GPC1: variants seen among roughly 807,000 people sequenced by gnomAD.
GPC1 encodes glypican-1.
In GPC1, 26 loss-of-function variants were observed where a neutral mutation model predicts 51.5. The ratio of observed to expected loss-of-function variants is 0.50; its 90% CI spans 0.37 to 0.70. The LOEUF (loss-of-function observed/expected upper bound fraction) is 0.70. GPC1 is among the 30% of genes least tolerant of loss of function. The probability of loss-of-function intolerance (pLI) is 0.00; values close to 1 mark genes in which losing one functional copy is unlikely to be tolerated. For synonymous variants in GPC1, 380 were observed against 348.3 expected, an observed-to-expected ratio of 1.09 and a Z score of -1.01; for missense variants, 775 against 800.5, an observed-to-expected ratio of 0.97 and a Z score of 0.38.
chr2:240,436,023 C>A lies in GPC1; in HGVS notation c.105C>A (p.Val35=). The change falls in exon 1 of 9, where the codon GTC becomes GTA. Residue 35 remains valine (V), a synonymous_variant. Coordinates refer to ENST00000264039, the MANE Select transcript of GPC1 (RefSeq NM_002081.3). ...GCAAGAGCCGGAGCTGCGGCGAGGT[C>A]CGCCAGATCTACGGAGCCAAGGGCT... ...PASKSRSCGE[V]RQIYGAKGFS... is the part of the protein sequence containing the mutation. 1 of 1,386,876 alleles carries A rather than the reference C, an allele frequency of 7.2e-7. No homozygotes were observed. Among genetic ancestry groups the A allele is most frequent in the East Asian group, 2.9e-5 (1 of 34,672 alleles). 85.9% of individuals were successfully genotyped at this position (1,386,876 alleles called of 1,614,324 possible).
chr2:240,459,236 C>T (rs775798900), intron 2 of GPC1, 48 bp downstream of exon 2: 13 of 1,558,438 alleles, frequency 8.3e-6, no homozygotes, highest in African/African-American at 2.7e-5. Flanking sequence ...GCCGGTGCAT[C>T]GGGGGAGGGG....
rs1221997791 is a variant in GPC1, at chr2:240,462,462, G to A, written c.597G>A (p.Leu199=). 1 of 1,605,028 alleles carries A rather than the reference G, an allele frequency of 6.2e-7. No homozygotes were observed. Among genetic ancestry groups the A allele is most frequent in the South Asian group, 1.1e-5 (1 of 90,396 alleles). ...GCCTGGGCAAGCAGGCCGAGGCGCT[G>A]CGGCCCTTCGGGGAGGCCCCGAGAG... ...LDCLGKQAEA[L]RPFGEAPREL... Residue 199 remains leucine, a synonymous_variant, in exon 3 of 9, where the codon CTG becomes CTA. Coordinates refer to ENST00000264039, the MANE Select transcript of GPC1 (RefSeq NM_002081.3).
chr2:240,462,749 C>T (rs1239878586), intron 3 of GPC1, among the ~76,000 whole-genome samples, 167 bp downstream of exon 3: 1 of 152,240 alleles, frequency 6.6e-6, no homozygotes, highest in East Asian at 1.9e-4. Flanking sequence ...CTGCCCATGG[C>T]CTGCTAACAG....
intron 1 of GPC1, among the ~76,000 whole-genome samples, chr2:240,446,545 C>T (rs187161246): frequency 9.8e-5 from 15 of 152,318 alleles, no homozygotes; most frequent in African/African-American, 3.4e-4. Flanking sequence ...TCATGTGAAC[C>T]CTGAGGGCCG....
intron 3 of GPC1, among the ~76,000 whole-genome samples, 187 bp from the exon 4 acceptor site, chr2:240,463,160 T>C (rs2074230990): frequency 6.6e-6 from 1 of 151,886 alleles, no homozygotes; most frequent in African/African-American, 2.4e-5. Context: ...CTCGAGATCA[T>C]TAAAATGAGG....
intron 1 of GPC1, chr2:240,457,552 T>A (rs11680576): frequency 2.7e-5 from 12 of 447,918 alleles, no homozygotes; most frequent in Non-Finnish European, 4.8e-5. Context: ...AGGGGTGACT[T>A]CTCTTGCAGT....
At chr2:240,462,746 T>G (rs1375065898) in intron 3 of GPC1, among the ~76,000 whole-genome samples, 164 bp downstream of exon 3, 1 of 152,194 alleles carries the variant, frequency 6.6e-6, no homozygotes, top group Non-Finnish European at 1.5e-5. Context: ...CTGCTGCCCA[T>G]GGCCTGCTAA....
Position 240,462,619 on chromosome 2 carries a change from C to G in GPC1, c.717+37C>G, listed in dbSNP as rs202053442. On this transcript the variant is annotated intron_variant, in intron 3 of 8. Coordinates refer to ENST00000264039, the MANE Select transcript of GPC1 (RefSeq NM_002081.3). ...CACCCAGGGCTCTCAGAAACCCCTC[C>G]AGACCCCCATGCTCTGCCCAAGGGA... 5.2e-5 allele frequency: 78 copies of G among 1,494,478 alleles called. No individual in the cohort carries two copies. In the Admixed American group the frequency reaches 1.7e-3, roughly 32 times the overall value. 92.6% of individuals were successfully genotyped at this position (1,494,478 alleles called of 1,614,324 possible).
At chr2:240,444,384 C>G (rs1479444315) in intron 1 of GPC1, among the ~76,000 whole-genome samples, 7 of 152,208 alleles carry the variant, frequency 4.6e-5, no homozygotes, top group African/African-American at 1.4e-4. Flanking sequence ...CTCCCAAATC[C>G]AGCCGCCCAG....
intron 1 of GPC1, chr2:240,456,759 C>T (rs986182324): frequency 2.6e-6 from 1 of 390,354 alleles, no homozygotes; most frequent in Non-Finnish European, 5.5e-6. Context: ...GCTCTAAATC[C>T]TGCCCCCACG....
rs2073980261 is a variant in GPC1 at position 240,435,922 on chromosome 2, G to C, written c.4G>C (p.Glu2Gln). M[E>Q]LRARGWWLLC... ...CGGGGGCGCCGCCGGCCCCGCCATG[G>C]AGCTCCGGGCCCGAGGCTGGTGGCT... The change falls in exon 1 of 9, where the codon GAG becomes CAG. Residue 2 changes from glutamate (E) to glutamine (Q), a missense_variant. By Grantham distance (29) the Glu-to-Gln change is conservative. Transcript: ENST00000264039. 1.6e-6 allele frequency: 2 copies of C among 1,247,952 alleles called. 1 individual carries two copies. The highest frequency in any genetic ancestry group is 6.3e-5 in the South Asian group (2 of 31,890). The allele number at this position is 1,247,952 out of a possible 1,614,324, so 77.3% of individuals were successfully genotyped here.
chr2:240,459,955 C>G (rs1012113121), intron 2 of GPC1, among the ~76,000 whole-genome samples: 15 of 152,134 alleles, frequency 9.9e-5, no homozygotes, highest in Non-Finnish European at 1.8e-4. Context: ...GGCGCCGGGA[C>G]AGTGAGCCTG....
chr2:240,462,273 G>A lies in GPC1; in HGVS notation c.408G>A (p.Gln136=). The change falls in exon 3 of 9, where the codon CAG becomes CAA. Residue 136 remains glutamine, a synonymous_variant. Coordinates refer to ENST00000264039, the MANE Select transcript of GPC1 (RefSeq NM_002081.3). ...GCGCCTTCGGAGAGCTGTACACGCA[G>A]AACGCGAGGGCCTTCCGGGACCTGT... is the stretch of plus-strand genomic sequence containing the variant. ...FPGAFGELYT[Q]NARAFRDLYS... is the part of the protein sequence containing the mutation. 6.2e-7 allele frequency: 1 copy of A among 1,610,244 alleles called. No homozygotes were observed. The highest frequency in any genetic ancestry group is 8.5e-7 in the Non-Finnish European group (1 of 1,178,876).
At chr2:240,453,527 G>T (rs1216525170) in intron 1 of GPC1, among the ~76,000 whole-genome samples, 1 of 118,082 alleles carries the variant, frequency 8.5e-6, no homozygotes, top group South Asian at 3.1e-4. Flanking sequence ...CCGGGCCGTC[G>T]CAGCCCTTCG....
chr2:240,444,285 G>A (rs892787616), intron 1 of GPC1, among the ~76,000 whole-genome samples: 1 of 152,196 alleles, frequency 6.6e-6, no homozygotes, highest in African/African-American at 2.4e-5. Context: ...TGAGCTGGGC[G>A]GGCCAGGAAG....
At chr2:240,436,608 C>T (rs1215452807) in intron 1 of GPC1, among the ~76,000 whole-genome samples, 1 of 152,278 alleles carries the variant, frequency 6.6e-6, no homozygotes, top group Middle Eastern at 3.2e-3. Flanking sequence ...CGGGGATTCT[C>T]GTAGGGTCTC....
At position 240,436,160 on chromosome 2, in the gene GPC1, C is replaced by T. The variant is rs2073982422; in HGVS notation, c.166+76C>T. 4 of 1,026,310 alleles carry T rather than the reference C, an allele frequency of 3.9e-6. No homozygotes were observed. The East Asian group carries it at 1.3e-4, about 34-fold the overall frequency. 63.6% of individuals were successfully genotyped at this position (1,026,310 alleles called of 1,614,324 possible). A position where few individuals can be genotyped will look rare whatever the true frequency, so the allele number is the denominator to read the frequency against. On this transcript the variant is annotated intron_variant, in intron 1 of 8. Transcript: ENST00000264039. ...CCGGACCCTGGTCTTCCCGACGCGG[C>T]TACTCGCCCCCGGCGCGGGATCCTG...
At position 240,446,729 on chromosome 2, in the gene GPC1, C is replaced by T. The variant is rs1324525458; in HGVS notation, c.166+10645C>T. Among the ~76,000 whole-genome samples the T allele has an allele frequency of 2.0e-5, 3 of 152,172 alleles. No homozygotes were observed. In the East Asian group the frequency reaches 5.8e-4, roughly 29 times the overall value. On this transcript the variant is annotated intron_variant, in intron 1 of 8. Coordinates refer to ENST00000264039, the MANE Select transcript of GPC1 (RefSeq NM_002081.3). ...CCTCCCCAACCCAAGGAGCCTGGAG[C>T]ATCTGGGTCCTGGAGCACTGGGGGC... is the stretch of plus-strand genomic sequence containing the variant.
At chr2:240,442,324 C>T (rs6718278) in intron 1 of GPC1, 24,300 of 152,306 alleles carry the variant, frequency 0.16, 2,292 homozygotes, top group African/African-American at 0.26. Context: ...GGGTTGGGAG[C>T]ACAAGTGTTT....
Sources: allele counts gnomAD v4.1 joint callset (sites outside exome capture counted in the v4.1 genomes callset), GRCh38; gene constraint gnomAD v4.1.1; transcripts MANE v1.5; gene names NCBI Gene and HGNC (gene_info 2026-07-23, HGNC 2026-07-21).